Variants in PPIP5K2 observed in about 807,000 individuals in gnomAD.
PPIP5K2 encodes the protein inositol hexakisphosphate and diphosphoinositol-pentakisphosphate kinase 2.
PPIP5K2 carries 105 observed loss-of-function variants against 154.6 expected under a neutral mutation model. That is an observed-to-expected ratio of 0.68 (90% CI 0.58 to 0.80). PPIP5K2 has a LOEUF of 0.80. PPIP5K2 is among the 30% of genes least tolerant of loss of function. The pLI is 0.00. For missense variants in PPIP5K2, 992 were observed against 1,504.6 expected, an observed-to-expected ratio of 0.66 and a Z score of 5.64; for synonymous variants, 480 against 490.3, an observed-to-expected ratio of 0.98 and a Z score of 0.28.
intron 17 of PPIP5K2, among the ~76,000 whole-genome samples, chr5:103,163,086 G>GTTTTTTTTT (rs35922283): frequency 1.7e-5 from 1 of 59,894 alleles, no homozygotes; most frequent in African/African-American, 6.1e-5. Context: ...TTCTTCAAGT[G>GTTTTTTTTT]TTTTTTTTTT....
intron 13 of PPIP5K2, 128 bp downstream of exon 13, chr5:103,155,071 T>C: frequency 2.1e-6 from 1 of 481,518 alleles, no homozygotes. Context: ...AGTTGAGACA[T>C]GAAGGAAAAT....
At chr5:103,122,759 T>C (rs1788982612) in intron 1 of PPIP5K2, among the ~76,000 whole-genome samples, 1 of 152,132 alleles carries the variant, frequency 6.6e-6, no homozygotes, top group Non-Finnish European at 1.5e-5. Flanking sequence ...AGAGCAGAGA[T>C]TTACTAGTTT....
At position 103,124,122 on chromosome 5, in the gene PPIP5K2, T is replaced by C. The variant is rs184546856; in HGVS notation, c.-285+3634T>C. Among the ~76,000 whole-genome samples the C allele has an allele frequency of 5.9e-4, 90 of 151,998 alleles. 4 individuals are homozygous for C. In the East Asian group the frequency reaches 0.015, roughly 26 times the overall value. On this transcript the variant is annotated intron_variant, in intron 1 of 30. Coordinates refer to ENST00000358359, the MANE Select transcript of PPIP5K2 (RefSeq NM_001276277.3). The stretch of plus-strand genomic sequence containing the variant: ...TGTGAAACTCCGTCTCTACTAAAAA[T>C]ACAAAAAATTAGCTGAGTGTGGTGG...
chr5:103,144,914 G>A (rs1269497189), intron 5 of PPIP5K2, among the ~76,000 whole-genome samples: 1 of 151,994 alleles, frequency 6.6e-6, no homozygotes, highest in African/African-American at 2.4e-5. Flanking sequence ...ATACCAATGG[G>A]ATCATATCAA....
intron 1 of PPIP5K2, among the ~76,000 whole-genome samples, chr5:103,124,908 G>C (rs181005728): frequency 6.6e-6 from 1 of 152,198 alleles, no homozygotes; most frequent in Admixed American, 6.5e-5. Context: ...CTTCCCTTGA[G>C]ATTTATGTTG....
intron 17 of PPIP5K2, among the ~76,000 whole-genome samples, chr5:103,163,086 G>GTTTT (rs35922283): frequency 4.8e-4 from 29 of 59,818 alleles, no homozygotes; most frequent in Non-Finnish European, 7.3e-4. Flanking sequence ...TTCTTCAAGT[G>GTTTT]TTTTTTTTTT....
intron 3 of PPIP5K2, among the ~76,000 whole-genome samples, chr5:103,134,759 CTG>C (rs534002868): frequency 1.1e-4 from 16 of 152,134 alleles, no homozygotes; most frequent in Non-Finnish European, 1.3e-4. Flanking sequence ...AAGCAGGAAA[CTG>C]TGTAGGTGTT....
At position 103,203,459 on chromosome 5, in the gene PPIP5K2, C is replaced by T. The variant is rs994502936; in HGVS notation, c.*1825C>T. 13 of 152,138 alleles carry T rather than the reference C, an allele frequency of 8.5e-5. No individual in the cohort carries two copies. The highest frequency in any genetic ancestry group is 1.2e-4 in the African/African-American group (5 of 41,426). 9.4% of individuals were successfully genotyped at this position (152,138 alleles called of 1,614,324 possible). ...CAGTAGTATTGCTCTGTAGACTAGACACTCTATTTGTAAAAATCTTAGAAT... is the reference window on the plus strand; with the variant it reads ...CAGTAGTATTGCTCTGTAGACTAGATACTCTATTTGTAAAAATCTTAGAAT... On this transcript the variant is annotated 3_prime_UTR_variant, in exon 31 of 31. Transcript: ENST00000358359.
intron 5 of PPIP5K2, among the ~76,000 whole-genome samples, chr5:103,141,326 C>T (rs1295958159): frequency 1.3e-5 from 2 of 151,924 alleles, no homozygotes; most frequent in Non-Finnish European, 2.9e-5. Context: ...TTCGTGGTCT[C>T]GCTGGCTCAG....
Position 103,206,197 on chromosome 5 carries a change from A to G in PPIP5K2, c.*4563A>G, listed in dbSNP as rs1803505362. On this transcript the variant is annotated 3_prime_UTR_variant, in exon 31 of 31. Coordinates refer to ENST00000358359, the MANE Select transcript of PPIP5K2 (RefSeq NM_001276277.3). ...TGGGGTTGGCTTCAGCCACAGTTGC[A>G]TTAGCCATATTGTCATCAAAAGCCC... 6.6e-6 allele frequency: 1 copy of G among 152,208 alleles called. No homozygotes were observed. Among genetic ancestry groups the G allele is most frequent in the Non-Finnish European group, 1.5e-5 (1 of 68,028 alleles). 9.4% of individuals were successfully genotyped at this position (152,208 alleles called of 1,614,324 possible). A position where few individuals can be genotyped will look rare whatever the true frequency, so the allele number is the denominator to read the frequency against.
chr5:103,201,578 A>G lies in PPIP5K2; in HGVS notation c.3676A>G (p.Ile1226Val), dbSNP rs367587554. Residue 1226 changes from isoleucine (I) to valine (V), a missense_variant, in exon 31 of 31, where the codon ATA becomes GTA. Physicochemically the swap from Ile to Val is conservative, Grantham distance 29. Transcript: ENST00000358359. ...TAATACCTCATCTCGGAAAAAGAATATAACTAGCAAAACAGAAACGCATGA... is the reference window on the plus strand; with the variant it reads ...TAATACCTCATCTCGGAAAAAGAATGTAACTAGCAAAACAGAAACGCATGA... ...VPNTSSRKKN[I>V]TSKTETHEHK... 3.7e-6 allele frequency: 6 copies of G among 1,611,448 alleles called. No individual in the cohort carries two copies. The highest frequency in any genetic ancestry group is 1.1e-5 in the South Asian group (1 of 90,550).
chr5:103,132,179 G>A (rs1790732037), intron 2 of PPIP5K2, among the ~76,000 whole-genome samples: 1 of 152,132 alleles, frequency 6.6e-6, no homozygotes, highest in Admixed American at 6.6e-5. Flanking sequence ...ATCAACTCTA[G>A]TACAATTTGA....
At chr5:103,192,508 A>T (rs1024859904) in intron 29 of PPIP5K2, among the ~76,000 whole-genome samples, 4 of 152,122 alleles carry the variant, frequency 2.6e-5, no homozygotes, top group Admixed American at 1.3e-4. Flanking sequence ...TATTCTAATT[A>T]GTAAATAAGA....
At chr5:103,188,883 CG>C in intron 28 of PPIP5K2, 1 of 290,288 alleles carries the variant, frequency 3.4e-6, no homozygotes, top group Non-Finnish European at 6.3e-6. Flanking sequence ...GTGGGTTTTC[CG>C]CACATACAAA....
Position 103,168,171 on chromosome 5 carries a change from G to A in PPIP5K2, c.2162G>A (p.Ser721Asn). The change falls in exon 19 of 31, where the codon AGT becomes AAT. Residue 721 changes from serine to asparagine, a missense_variant. This residue lies in a region of PPIP5K2 where 157 missense variants were observed against 281.2 expected (regional missense o/e 0.56). Transcript: ENST00000358359. ...ACAAAGAATGGAAGATATGATATTA[G>A]TAAAATCCCTGACATATATGACTGT... Reference protein sequence around the residue: ...FKTKNGRYDISKIPDIYDCIK... With the variant: ...FKTKNGRYDINKIPDIYDCIK... 6.2e-7 allele frequency: 1 copy of A among 1,608,528 alleles called. No homozygotes were observed. The highest frequency in any genetic ancestry group is 1.7e-5 in the Admixed American group (1 of 59,780).
chr5:103,189,108 C>A, intron 28 of PPIP5K2: 1 of 1,312,994 alleles, frequency 7.6e-7, no homozygotes, highest in Non-Finnish European at 1.1e-6. Context: ...GTTCAAGGAA[C>A]ATGGTGAAAC....
rs1554230436 is a variant in PPIP5K2 at position 103,201,589 on chromosome 5, A to G, written c.3687A>G (p.Lys1229=). ...TSSRKKNITS[K]TETHEHKKNT... ...CTCGGAAAAAGAATATAACTAGCAA[A>G]ACAGAAACGCATGAACACAAAAAAA... Residue 1229 remains lysine (K), a synonymous_variant, in exon 31 of 31, where the codon AAA becomes AAG. Coordinates refer to ENST00000358359, the MANE Select transcript of PPIP5K2 (RefSeq NM_001276277.3). 1 of 1,611,362 alleles carries G rather than the reference A, an allele frequency of 6.2e-7. No homozygotes were observed. The highest frequency in any genetic ancestry group is 1.3e-5 in the African/African-American group (1 of 74,860).
chr5:103,176,724 G>T, intron 21 of PPIP5K2: 1 of 516,490 alleles, frequency 1.9e-6, no homozygotes, highest in South Asian at 3.0e-5. Flanking sequence ...TATAATTTAA[G>T]TAGATCCTGT....
At position 103,167,305 on chromosome 5, in the gene PPIP5K2, G is replaced by T; in HGVS notation, c.2047G>T (p.Asp683Tyr). ...LTSQIRHRME[D>Y]PKSSDIQLYH... ...TTCTCAAATCAGACATCGAATGGAA[G>T]ATCCTAAATCATCAGGTAAATATGT... Residue 683 changes from aspartate to tyrosine, a missense_variant, in exon 18 of 31, where the codon GAT becomes TAT. By Grantham distance (160) the Asp-to-Tyr change is radical. Transcript: ENST00000358359. 1.3e-6 allele frequency: 2 copies of T among 1,580,350 alleles called. No individual in the cohort carries two copies. The highest frequency in any genetic ancestry group is 1.7e-6 in the Non-Finnish European group (2 of 1,165,840).
Sources: allele counts gnomAD v4.1 joint callset (sites outside exome capture counted in the v4.1 genomes callset), GRCh38; gene constraint gnomAD v4.1.1; regional missense constraint gnomAD v4.1.1; transcripts MANE v1.5; gene names NCBI Gene and HGNC (gene_info 2026-07-23, HGNC 2026-07-21).